PHACTR3: variants seen among roughly 807,000 people sequenced by gnomAD.
PHACTR3 encodes the protein protein phosphatase 1, regulatory subunit 123.
A neutral mutation model predicts 66.8 loss-of-function variants in PHACTR3; 16 were observed. The observed-to-expected ratio is 0.24, with a 90% CI of 0.16 to 0.36. The LOEUF is 0.36. Ranked by LOEUF, PHACTR3 falls within the 10% of genes least tolerant of loss-of-function variation. PHACTR3 has a pLI of 1.00. For missense variants in PHACTR3, 647 were observed against 719.9 expected, an observed-to-expected ratio of 0.90 and a Z score of 1.16; for synonymous variants, 323 against 292.1, an observed-to-expected ratio of 1.11 and a Z score of -1.08.
At chr20:59,702,976 C>T (rs866165169) in intron 1 of PHACTR3, among the ~76,000 whole-genome samples, 5 of 152,252 alleles carry the variant, frequency 3.3e-5, no homozygotes, top group South Asian at 4.1e-4. Flanking sequence ...TCTAAACAAG[C>T]GTGTTGTTGC....
chr20:59,825,415 T>G (rs576770081), intron 8 of PHACTR3, among the ~76,000 whole-genome samples: 123 of 152,234 alleles, frequency 8.1e-4, no homozygotes, highest in African/African-American at 2.8e-3. Flanking sequence ...CACTTGTTCA[T>G]TCATTCACTC....
intron 1 of PHACTR3, among the ~76,000 whole-genome samples, chr20:59,591,208 G>A (rs1483534644): frequency 1.3e-5 from 2 of 152,166 alleles, no homozygotes; most frequent in Admixed American, 1.3e-4. Flanking sequence ...CAGGGCTCTG[G>A]CCATTCTCGT....
chr20:59,668,073 C>T (rs758703170), intron 1 of PHACTR3, among the ~76,000 whole-genome samples: 13 of 152,246 alleles, frequency 8.5e-5, no homozygotes, highest in Admixed American at 2.0e-4. Flanking sequence ...GGCACATACA[C>T]CTGTACGGAC....
intron 1 of PHACTR3, among the ~76,000 whole-genome samples, chr20:59,595,990 C>G (rs1446094211): frequency 6.6e-6 from 1 of 152,174 alleles, no homozygotes; most frequent in Admixed American, 6.5e-5. Flanking sequence ...AGTGAACACA[C>G]CTCTGTAGGC....
intron 1 of PHACTR3, chr20:59,721,563 A>G (rs564737349): frequency 6.6e-6 from 1 of 152,476 alleles, no homozygotes; most frequent in East Asian, 1.9e-4. Context: ...GAAGATGGCC[A>G]GGCCAGGAGT....
At chr20:59,685,475 G>T (rs111927842) in intron 1 of PHACTR3, among the ~76,000 whole-genome samples, 3 of 152,156 alleles carry the variant, frequency 2.0e-5, no homozygotes, top group African/African-American at 4.8e-5. Context: ...GAAAGGACCC[G>T]TCTGGTAGGG....
intron 8 of PHACTR3, among the ~76,000 whole-genome samples, 157 bp downstream of exon 8, chr20:59,806,351 G>T (rs1028010680): frequency 6.6e-6 from 1 of 152,238 alleles, no homozygotes; most frequent in Admixed American, 6.5e-5. Context: ...TTGGGGCCGT[G>T]TGGAGGCCCT....
intron 1 of PHACTR3, among the ~76,000 whole-genome samples, chr20:59,660,592 G>A (rs952992176): frequency 1.3e-5 from 2 of 152,218 alleles, no homozygotes; most frequent in Non-Finnish European, 2.9e-5. Flanking sequence ...GTATCAGCAA[G>A]TTTCTCCTTC....
intron 1 of PHACTR3, among the ~76,000 whole-genome samples, chr20:59,617,339 G>A (rs2034064727): frequency 6.6e-6 from 1 of 152,208 alleles, no homozygotes; most frequent in South Asian, 2.1e-4. Flanking sequence ...GTCTCACCCT[G>A]TTGGAAATTC....
At chr20:59,698,417 G>A (rs2037377267) in intron 1 of PHACTR3, among the ~76,000 whole-genome samples, 1 of 151,776 alleles carries the variant, frequency 6.6e-6, no homozygotes, top group Admixed American at 6.6e-5. Context: ...GTTCCTTCTG[G>A]GAGTGTTGAA....
intron 1 of PHACTR3, among the ~76,000 whole-genome samples, chr20:59,727,943 A>G (rs1338897106): frequency 6.6e-6 from 1 of 152,220 alleles, no homozygotes; most frequent in Non-Finnish European, 1.5e-5. Context: ...ATGAGACATG[A>G]AAAGGGCTCA....
chr20:59,691,684 C>A (rs1192297334), intron 1 of PHACTR3, among the ~76,000 whole-genome samples: 2 of 151,906 alleles, frequency 1.3e-5, no homozygotes, highest in Non-Finnish European at 2.9e-5. Context: ...TTTTAAATAT[C>A]TGATAACTTT....
chr20:59,608,077 C>T (rs7348506), intron 1 of PHACTR3, among the ~76,000 whole-genome samples: 1 of 152,168 alleles, frequency 6.6e-6, no homozygotes, highest in African/African-American at 2.4e-5. Flanking sequence ...TGAGAGTGCC[C>T]TTTCTCCAAA....
intron 1 of PHACTR3, among the ~76,000 whole-genome samples, chr20:59,675,001 T>C (rs1216705068): frequency 1.4e-5 from 1 of 70,100 alleles, no homozygotes. Flanking sequence ...CTGTTCCCCC[T>C]TCTCCTGTTC....
intron 4 of PHACTR3, among the ~76,000 whole-genome samples, chr20:59,762,075 T>C (rs369634913): frequency 6.0e-4 from 91 of 151,896 alleles, no homozygotes; most frequent in African/African-American, 1.6e-3. Flanking sequence ...AGAGGGAAGA[T>C]GGGGAGGAGG....
chr20:59,783,776 G>C (rs1403325230), intron 7 of PHACTR3, among the ~76,000 whole-genome samples: 1 of 152,232 alleles, frequency 6.6e-6, no homozygotes, highest in African/African-American at 2.4e-5. Context: ...CCTGCAGCAA[G>C]GGGGAGGCAG....
chr20:59,801,249 C>A (rs180791097), intron 7 of PHACTR3, among the ~76,000 whole-genome samples: 7 of 152,296 alleles, frequency 4.6e-5, no homozygotes, highest in African/African-American at 1.7e-4. Flanking sequence ...TGTGGCCTGG[C>A]AACTCTCTAG....
intron 4 of PHACTR3, among the ~76,000 whole-genome samples, chr20:59,766,371 A>G (rs1202646391): frequency 2.0e-5 from 3 of 152,228 alleles, no homozygotes; most frequent in Admixed American, 2.0e-4. Context: ...AAACTTTTCC[A>G]GAGAGTTAAA....
intron 1 of PHACTR3, among the ~76,000 whole-genome samples, chr20:59,650,598 G>A (rs765526671): frequency 1.3e-5 from 2 of 152,026 alleles, no homozygotes; most frequent in African/African-American, 2.4e-5. Context: ...GGGTGTGACC[G>A]CTTTGGAGAG....
Sources: allele counts gnomAD v4.1 joint callset (sites outside exome capture counted in the v4.1 genomes callset), GRCh38; gene constraint gnomAD v4.1.1; transcripts MANE v1.5; gene names NCBI Gene and HGNC (gene_info 2026-07-23, HGNC 2026-07-21).